Variants in CSTPP1 observed in about 807,000 individuals in gnomAD.
The protein encoded by CSTPP1 is UPF0705 protein C11orf49.
the CSTPP1 span, among the ~76,000 whole-genome samples, chr11:47,099,342 T>G: frequency 6.6e-5 from 10 of 152,162 alleles, no homozygotes; most frequent in African/African-American, 2.2e-4. Flanking sequence ...ATTTTCCCAT[T>G]TAGTCCCTGG....
chr11:46,989,016 G>T, the CSTPP1 span, among the ~76,000 whole-genome samples: 1 of 152,094 alleles, frequency 6.6e-6, no homozygotes, highest in African/African-American at 2.4e-5. Context: ...CAGATCATGA[G>T]GTCAGGAGTT....
the CSTPP1 span, among the ~76,000 whole-genome samples, chr11:46,982,732 G>C: frequency 6.6e-6 from 1 of 152,122 alleles, no homozygotes. Context: ...TATAGTTATA[G>C]ATTTTATATA....
At chr11:47,033,035 T>G in the CSTPP1 span, among the ~76,000 whole-genome samples, 20 of 152,340 alleles carry the variant, frequency 1.3e-4, no homozygotes, top group East Asian at 3.3e-3. Flanking sequence ...ATATATTTAC[T>G]ATTCATTAAG....
the CSTPP1 span, chr11:47,162,101 G>T: frequency 1.0e-6 from 1 of 986,968 alleles, no homozygotes; most frequent in Non-Finnish European, 1.2e-6. Flanking sequence ...GCTGTGGCCT[G>T]TTGGAGAACA....
At chr11:46,988,132 C>A in the CSTPP1 span, among the ~76,000 whole-genome samples, 72 of 152,288 alleles carry the variant, frequency 4.7e-4, no homozygotes, top group Non-Finnish European at 2.1e-4. Context: ...ATTAGTATAA[C>A]CACTGTGGAG....
chr11:47,011,552 T>A, the CSTPP1 span, among the ~76,000 whole-genome samples: 1 of 152,244 alleles, frequency 6.6e-6, no homozygotes, highest in Non-Finnish European at 1.5e-5. Flanking sequence ...TTGAGAGTGA[T>A]ATGAAGAAGA....
the CSTPP1 span, among the ~76,000 whole-genome samples, chr11:47,051,696 T>C: frequency 1.3e-5 from 2 of 149,292 alleles, no homozygotes; most frequent in Non-Finnish European, 3.0e-5. Flanking sequence ...TTTTTCTTTT[T>C]TTTTTTTTTT....
the CSTPP1 span, among the ~76,000 whole-genome samples, chr11:47,163,428 T>TG: frequency 6.6e-6 from 1 of 152,132 alleles, no homozygotes; most frequent in South Asian, 2.1e-4. Flanking sequence ...TACAGCCCCC[T>TG]GGCTCCCTCT....
chr11:47,008,172 G>A, the CSTPP1 span, among the ~76,000 whole-genome samples: 3 of 152,046 alleles, frequency 2.0e-5, no homozygotes, highest in Non-Finnish European at 2.9e-5. Context: ...TCACCGTGCT[G>A]GCCAGGCTGG....
At chr11:47,011,306 C>G in the CSTPP1 span, among the ~76,000 whole-genome samples, 8 of 152,260 alleles carry the variant, frequency 5.3e-5, no homozygotes, top group South Asian at 1.5e-3. Context: ...CTGACACTTA[C>G]AGATTGAAAG....
the CSTPP1 span, chr11:47,159,841 C>G: frequency 2.7e-6 from 1 of 377,090 alleles, no homozygotes; most frequent in Non-Finnish European, 5.2e-6. Flanking sequence ...CCCGTCTCTA[C>G]TGAAAATACA....
At chr11:46,994,190 G>A in the CSTPP1 span, among the ~76,000 whole-genome samples, 17 of 152,110 alleles carry the variant, frequency 1.1e-4, no homozygotes, top group African/African-American at 4.1e-4. Context: ...GAGATGATGG[G>A]GTTTTCTAAA....
the CSTPP1 span, among the ~76,000 whole-genome samples, chr11:46,989,100 C>T: frequency 2.6e-5 from 4 of 151,768 alleles, no homozygotes; most frequent in Non-Finnish European, 5.9e-5. Context: ...CATGGTGGCA[C>T]GCACCTGTAA....
chr11:47,111,624 C>G, the CSTPP1 span, among the ~76,000 whole-genome samples: 1 of 152,122 alleles, frequency 6.6e-6, no homozygotes. Context: ...TCAGTTAGTT[C>G]AGTTTTCTGA....
chr11:46,958,889 G>A, the CSTPP1 span, among the ~76,000 whole-genome samples: 7 of 152,270 alleles, frequency 4.6e-5, no homozygotes, highest in East Asian at 1.9e-4. Flanking sequence ...TTTGTTCTGC[G>A]TGGGCCCTCA....
At chr11:47,032,954 A>G in the CSTPP1 span, among the ~76,000 whole-genome samples, 1 of 152,222 alleles carries the variant, frequency 6.6e-6, no homozygotes, top group Non-Finnish European at 1.5e-5. Flanking sequence ...TTGTATATGT[A>G]TTTTATACTG....
chr11:47,086,053 A>T, the CSTPP1 span, among the ~76,000 whole-genome samples: 4 of 151,748 alleles, frequency 2.6e-5, no homozygotes, highest in Admixed American at 2.6e-4. Context: ...AGCAGACTTG[A>T]CATCCATCTT....
the CSTPP1 span, among the ~76,000 whole-genome samples, chr11:46,973,682 A>G: frequency 6.6e-6 from 1 of 152,152 alleles, no homozygotes. Context: ...TACATTTTAT[A>G]ACTGAGTCAC....
At chr11:46,990,124 ATGATGTATTTTCCTT>A in the CSTPP1 span, among the ~76,000 whole-genome samples, 1 of 151,742 alleles carries the variant, frequency 6.6e-6, no homozygotes, top group Non-Finnish European at 1.5e-5. Flanking sequence ...CATGGGGAGA[ATGATGTATTTTCCTT>A]TGGCATACCC....
Sources: allele counts gnomAD v4.1 joint callset (sites outside exome capture counted in the v4.1 genomes callset), GRCh38; gene constraint gnomAD v4.1.1; transcripts MANE v1.5; gene names NCBI Gene and HGNC (gene_info 2026-07-23, HGNC 2026-07-21).